The following REEP3 variants were observed in gnomAD, a reference collection of about 807,000 sequenced individuals.
REEP3 encodes the protein receptor expression-enhancing protein 3.
In REEP3, 20 loss-of-function variants were observed where a neutral mutation model predicts 41.3. The ratio of observed to expected loss-of-function variants is 0.48; its 90% CI spans 0.34 to 0.70. The LOEUF is 0.70. Among genes scored for constraint, REEP3 ranks in the 30% least tolerant of loss-of-function variants. The probability of loss-of-function intolerance (pLI) is 0.01; values close to 1 mark genes in which losing one functional copy is unlikely to be tolerated. For synonymous variants in REEP3, 104 were observed against 101.8 expected (o/e 1.02, Z -0.13); for missense variants, 271 against 308.8 (o/e 0.88, Z 0.92).
intron 1 of REEP3, among the ~76,000 whole-genome samples, chr10:63,530,768 A>G (rs1179869393): frequency 6.6e-6 from 1 of 152,214 alleles, no homozygotes; most frequent in African/African-American, 2.4e-5. Flanking sequence ...GTTCAAATAA[A>G]TGGTACATTA....
At chr10:63,601,740 G>C (rs1468873601) in intron 5 of REEP3, among the ~76,000 whole-genome samples, 1 of 152,088 alleles carries the variant, frequency 6.6e-6, no homozygotes, top group Admixed American at 6.6e-5. Context: ...CCAACGTGGT[G>C]AAACCCAGTT....
At chr10:63,566,077 G>T (rs1288600819) in intron 1 of REEP3, among the ~76,000 whole-genome samples, 1 of 151,864 alleles carries the variant, frequency 6.6e-6, no homozygotes, top group Non-Finnish European at 1.5e-5. Context: ...GTAGAGATGG[G>T]GTTTCACTGT....
intron 2 of REEP3, among the ~76,000 whole-genome samples, chr10:63,583,454 A>G (rs997409135): frequency 3.3e-5 from 5 of 152,200 alleles, no homozygotes; most frequent in Non-Finnish European, 7.3e-5. Context: ...TATGTTCCCT[A>G]AAGAATGGAA....
At chr10:63,547,122 A>G (rs1404320088) in intron 1 of REEP3, among the ~76,000 whole-genome samples, 4 of 151,458 alleles carry the variant, frequency 2.6e-5, no homozygotes, top group Admixed American at 6.6e-5. Context: ...GGGTTTCACC[A>G]TGTTGGCCAG....
chr10:63,552,712 G>A (rs1955640970), intron 1 of REEP3, among the ~76,000 whole-genome samples: 1 of 152,206 alleles, frequency 6.6e-6, no homozygotes, highest in African/African-American at 2.4e-5. Flanking sequence ...AGTTAGGATT[G>A]GTGGAGATTA....
chr10:63,556,407 C>T (rs1955680328), intron 1 of REEP3, among the ~76,000 whole-genome samples: 1 of 152,038 alleles, frequency 6.6e-6, no homozygotes, highest in South Asian at 2.1e-4. Flanking sequence ...CAGGCGTGAG[C>T]CACCATGCCT....
intron 5 of REEP3, among the ~76,000 whole-genome samples, chr10:63,601,186 G>A (rs1956168989): frequency 6.6e-6 from 1 of 152,102 alleles, no homozygotes; most frequent in Admixed American, 6.6e-5. Flanking sequence ...AAATGATGTA[G>A]AATCAGAATG....
chr10:63,529,556 G>C lies in REEP3; in HGVS notation c.32+7979G>C, dbSNP rs370604828. On this transcript the variant is annotated intron_variant, in intron 1 of 7. Transcript: ENST00000373758. ...TGGTTCACTGGAGCCTCAAACTCCT[G>C]AGCTCAAGCAATCCTCCTACCTCAG... is the stretch of plus-strand genomic sequence containing the variant. Among the ~76,000 whole-genome samples, 4 of 152,038 alleles carry C rather than the reference G, an allele frequency of 2.6e-5. No homozygotes were observed. The South Asian group carries it at 8.3e-4, about 31-fold the overall frequency.
rs138784493 is a variant in REEP3 at position 63,525,942 on chromosome 10, T to C, written c.32+4365T>C. ...CATTTATGCGTCATAACCTACCCCA[T>C]GGGATTAAATACATTACTATATGTA... is the stretch of plus-strand genomic sequence containing the variant. On this transcript the variant is annotated intron_variant, in intron 1 of 7. Transcript: ENST00000373758. 5.9e-3 allele frequency among the ~76,000 whole-genome samples: 894 copies of C among 152,294 alleles called. 6 individuals are homozygous for C. Among genetic ancestry groups the C allele is most frequent in the East Asian group, 0.025 (132 of 5,184 alleles).
At chr10:63,592,941 A>C (rs1259428353) in intron 2 of REEP3, among the ~76,000 whole-genome samples, 1 of 152,102 alleles carries the variant, frequency 6.6e-6, no homozygotes, top group African/African-American at 2.4e-5. Context: ...CTGAGAAGTG[A>C]AAGTACTAAA....
At position 63,621,512 on chromosome 10, in the gene REEP3, T is replaced by G. The variant is rs1196060105; in HGVS notation, c.*643T>G. 1 of 152,644 alleles carries G rather than the reference T, an allele frequency of 6.6e-6. No individual in the cohort carries two copies. The highest frequency in any genetic ancestry group is 2.4e-5 in the African/African-American group (1 of 41,452). 9.5% of individuals were successfully genotyped at this position (152,644 alleles called of 1,614,324 possible). On this transcript the variant is annotated 3_prime_UTR_variant, in exon 8 of 8. Transcript: ENST00000373758. ...ACTGTTTTACTGATGCTATCTTTAT[T>G]GTTTTTGCCGTATTCTGACATGTCA...
At chr10:63,581,244 C>T (rs957627172) in intron 2 of REEP3, among the ~76,000 whole-genome samples, 2 of 151,996 alleles carry the variant, frequency 1.3e-5, no homozygotes, top group African/African-American at 2.4e-5. Context: ...GCCATCACAC[C>T]GTGAAAGGTC....
At chr10:63,527,293 TA>T (rs987575598) in intron 1 of REEP3, among the ~76,000 whole-genome samples, 25 of 148,450 alleles carry the variant, frequency 1.7e-4, no homozygotes, top group South Asian at 4.2e-4. Flanking sequence ...TCTCCCATCT[TA>T]AAAAAAAAAA....
chr10:63,598,476 T>TC (rs1190767297), intron 4 of REEP3, among the ~76,000 whole-genome samples: 1 of 70,096 alleles, frequency 1.4e-5, no homozygotes, highest in Non-Finnish European at 2.5e-5. Flanking sequence ...AGAATGAGAC[T>TC]CCATCTCAAA....
chr10:63,608,471 T>A (rs1956248859), intron 5 of REEP3, among the ~76,000 whole-genome samples: 1 of 152,238 alleles, frequency 6.6e-6, no homozygotes, highest in Non-Finnish European at 1.5e-5. Context: ...AAGTTAACTG[T>A]AATGCCCAAA....
chr10:63,549,895 GA>G (rs1271542645), intron 1 of REEP3, among the ~76,000 whole-genome samples: 1 of 152,164 alleles, frequency 6.6e-6, no homozygotes, highest in African/African-American at 2.4e-5. Flanking sequence ...GCATATTGAG[GA>G]AACCATGCTG....
chr10:63,568,416 G>A (rs1054765033), intron 2 of REEP3, among the ~76,000 whole-genome samples: 7 of 151,060 alleles, frequency 4.6e-5, no homozygotes, highest in Admixed American at 6.6e-5. Flanking sequence ...ACAGGCGCCC[G>A]CCACCACGCC....
intron 1 of REEP3, among the ~76,000 whole-genome samples, chr10:63,529,231 G>C (rs1380861357): frequency 6.6e-6 from 1 of 152,068 alleles, no homozygotes; most frequent in Non-Finnish European, 1.5e-5. Context: ...ATTGAATAAA[G>C]TTTTTTTCAC....
intron 2 of REEP3, among the ~76,000 whole-genome samples, chr10:63,578,994 T>C (rs979094305): frequency 2.7e-5 from 4 of 149,742 alleles, no homozygotes; most frequent in Admixed American, 2.7e-4. Context: ...TAACTGGTAC[T>C]GTTATAATCA....
Sources: gnomAD v4.1 joint callset for allele counts (sites outside exome capture counted in the v4.1 genomes callset) on GRCh38, gnomAD v4.1.1 for gene constraint, MANE v1.5 for transcripts, NCBI Gene and HGNC (gene_info 2026-07-23, HGNC 2026-07-21) for gene names.